Variants in DLGAP2 observed in about 807,000 individuals in gnomAD.
DLGAP2 encodes disks large-associated protein 2.
DLGAP2 carries 26 observed loss-of-function variants against 100.3 expected under a neutral mutation model. That is an observed-to-expected ratio of 0.26 (90% CI 0.19 to 0.36). The LOEUF is 0.36. Ranked by LOEUF, DLGAP2 falls within the 10% of genes least tolerant of loss-of-function variation. The probability of loss-of-function intolerance (pLI) is 1.00; values close to 1 mark genes in which losing one functional copy is unlikely to be tolerated. For synonymous variants in DLGAP2, 886 were observed against 630.1 expected (o/e 1.41, Z -6.08); for missense variants, 1,858 against 1,453.2 (o/e 1.28, Z -4.53).
chr8:1,304,400 C>T (rs1036606709), intron 3 of DLGAP2, among the ~76,000 whole-genome samples: 2 of 152,172 alleles, frequency 1.3e-5, no homozygotes, highest in African/African-American at 4.8e-5. Flanking sequence ...CCAGGTTTCA[C>T]GTATGCAGAA....
At chr8:1,108,271 C>T (rs1208571772) in intron 2 of DLGAP2, among the ~76,000 whole-genome samples, 1 of 152,140 alleles carries the variant, frequency 6.6e-6, no homozygotes, top group Non-Finnish European at 1.5e-5. Flanking sequence ...CTGAATGTTT[C>T]CCCAATCTAT....
chr8:1,211,538 G>C (rs1367610131), intron 2 of DLGAP2, among the ~76,000 whole-genome samples: 2 of 152,228 alleles, frequency 1.3e-5, no homozygotes, highest in African/African-American at 4.8e-5. Flanking sequence ...CATGTAAACA[G>C]CTTATGTGAG....
intron 1 of DLGAP2, among the ~76,000 whole-genome samples, chr8:852,441 C>G (rs1797199252): frequency 6.6e-6 from 1 of 152,172 alleles, no homozygotes; most frequent in African/African-American, 2.4e-5. Context: ...CATCATGATT[C>G]TTTTGTCCGT....
chr8:1,044,339 G>A (rs947871277), intron 2 of DLGAP2, among the ~76,000 whole-genome samples: 3 of 152,222 alleles, frequency 2.0e-5, no homozygotes, highest in African/African-American at 7.2e-5. Context: ...CTGTGAATTT[G>A]TTGTGTTGCC....
intron 3 of DLGAP2, among the ~76,000 whole-genome samples, chr8:1,297,763 G>A (rs571838758): frequency 9.6e-6 from 1 of 103,696 alleles, no homozygotes. Flanking sequence ...GAGGAGAAAC[G>A]TGGCAGGCGT....
At chr8:1,186,986 A>G (rs146120750) in intron 2 of DLGAP2, among the ~76,000 whole-genome samples, 94 of 152,276 alleles carry the variant, frequency 6.2e-4, no homozygotes, top group African/African-American at 2.0e-3. Flanking sequence ...CACACCCGTT[A>G]ATTGAACAAT....
chr8:1,334,521 C>T (rs888764808), intron 3 of DLGAP2, among the ~76,000 whole-genome samples: 15 of 152,130 alleles, frequency 9.9e-5, no homozygotes. Flanking sequence ...GGTATGATTC[C>T]TAAAGCTGCT....
intron 2 of DLGAP2, among the ~76,000 whole-genome samples, chr8:1,143,845 C>G (rs116638391): frequency 7.2e-5 from 11 of 152,212 alleles, no homozygotes; most frequent in Non-Finnish European, 1.5e-4. Context: ...GCACCTGTGC[C>G]CCTCACTGAG....
intron 1 of DLGAP2, among the ~76,000 whole-genome samples, chr8:775,333 C>T (rs892623235): frequency 4.0e-5 from 6 of 151,708 alleles, no homozygotes; most frequent in Non-Finnish European, 8.8e-5. Flanking sequence ...TAATTGAATA[C>T]CCTTTATTTC....
intron 2 of DLGAP2, among the ~76,000 whole-genome samples, chr8:942,145 G>T (rs74967166): frequency 0.019 from 2,839 of 152,272 alleles, 105 homozygotes; most frequent in African/African-American, 0.065. Flanking sequence ...ATGGGGTCTT[G>T]CACTGTTTGC....
chr8:1,450,744 C>T (rs1484794272), intron 3 of DLGAP2, among the ~76,000 whole-genome samples: 1 of 152,132 alleles, frequency 6.6e-6, no homozygotes, highest in East Asian at 1.9e-4. Flanking sequence ...CACCGTCCTC[C>T]ACGCAGCATG....
At chr8:989,245 T>C (rs758117101) in intron 2 of DLGAP2, among the ~76,000 whole-genome samples, 2 of 152,176 alleles carry the variant, frequency 1.3e-5, no homozygotes, top group African/African-American at 2.4e-5. Context: ...TCCCTCTGGG[T>C]TCCCAGGAAG....
At chr8:1,180,443 G>A (rs1797357218) in intron 2 of DLGAP2, among the ~76,000 whole-genome samples, 1 of 152,228 alleles carries the variant, frequency 6.6e-6, no homozygotes, top group South Asian at 2.1e-4. Flanking sequence ...GCAGTCCTCT[G>A]CTTCAGGCCC....
At chr8:749,882 G>T (rs1007406398) in intron 1 of DLGAP2, among the ~76,000 whole-genome samples, 2 of 152,148 alleles carry the variant, frequency 1.3e-5, no homozygotes, top group African/African-American at 4.8e-5. Context: ...CCTGGCTTCT[G>T]ATGGCTCCAG....
chr8:1,548,639 A>G lies in DLGAP2; in HGVS notation c.186A>G (p.Ser62=). The G allele has an allele frequency of 6.5e-7, 1 of 1,549,052 alleles. No individual in the cohort carries two copies. The highest frequency in any genetic ancestry group is 2.3e-5 in the East Asian group (1 of 43,416). The change falls in exon 5 of 15, where the codon TCA becomes TCG. Residue 62 remains serine (S), a synonymous_variant. Transcript: ENST00000637795. Reference sequence around the variant, plus strand: ...GTTTCCCCACAGACCCGCAGTACTCATGGTCGCCCACGCAGCACTTCAATG... The same window carrying G: ...GTTTCCCCACAGACCCGCAGTACTCGTGGTCGCCCACGCAGCACTTCAATG... ...PAEEDLDPQY[S]WSPTQHFNEE... is the part of the protein sequence containing the mutation.
chr8:1,487,248 T>A (rs776358860), intron 3 of DLGAP2, among the ~76,000 whole-genome samples: 1 of 152,218 alleles, frequency 6.6e-6, no homozygotes, highest in African/African-American at 2.4e-5. Flanking sequence ...TGCCATTCAC[T>A]GTTATTAATA....
At chr8:817,768 C>T (rs1796510165) in intron 1 of DLGAP2, among the ~76,000 whole-genome samples, 1 of 152,194 alleles carries the variant, frequency 6.6e-6, no homozygotes, top group Non-Finnish European at 1.5e-5. Flanking sequence ...AGCTACTAGG[C>T]TCTGAGCTGG....
chr8:1,695,366 C>A (rs1349101785), intron 13 of DLGAP2, among the ~76,000 whole-genome samples: 12 of 141,458 alleles, frequency 8.5e-5, no homozygotes, highest in Admixed American at 2.8e-4. Flanking sequence ...CACAGCCATG[C>A]CCGGCCCTAC....
intron 6 of DLGAP2, among the ~76,000 whole-genome samples, chr8:1,624,639 T>C (rs1797443692): frequency 6.6e-6 from 1 of 151,802 alleles, no homozygotes; most frequent in African/African-American, 2.4e-5. Flanking sequence ...TCGCCTTCTG[T>C]TCACTGGCAG....
Sources: allele counts gnomAD v4.1 joint callset (sites outside exome capture counted in the v4.1 genomes callset), GRCh38; gene constraint gnomAD v4.1.1; transcripts MANE v1.5; gene names NCBI Gene and HGNC (gene_info 2026-07-23, HGNC 2026-07-21).